CELF2: variants seen among roughly 807,000 people sequenced by gnomAD.
The protein encoded by CELF2 is CUG triplet repeat RNA-binding protein 2.
In CELF2, 8 loss-of-function variants were observed where a neutral mutation model predicts 62.6. The observed-to-expected ratio is 0.13, with a 90% CI of 0.07 to 0.23. CELF2 has a LOEUF of 0.23. Ranked by LOEUF, CELF2 falls within the 10% of genes least tolerant of loss-of-function variation. The pLI is 1.00. For missense variants in CELF2, 333 were observed against 671.0 expected (o/e 0.50, Z 5.56); for synonymous variants, 258 against 250.0 (o/e 1.03, Z -0.30).
At chr10:10,969,665 G>A (rs888908698) in intron 2 of CELF2, among the ~76,000 whole-genome samples, 1 of 152,076 alleles carries the variant, frequency 6.6e-6, no homozygotes, top group East Asian at 1.9e-4. Context: ...GGAAGGAATG[G>A]TCTGGATGTT....
chr10:11,066,712 G>C (rs566128943), intron 1 of CELF2, among the ~76,000 whole-genome samples: 2 of 148,006 alleles, frequency 1.4e-5, no homozygotes, highest in South Asian at 2.2e-4. Flanking sequence ...TGTGTCTGTC[G>C]GGGATAAGGA....
chr10:11,093,320 A>G (rs1362240239), intron 1 of CELF2, among the ~76,000 whole-genome samples: 2 of 152,180 alleles, frequency 1.3e-5, no homozygotes, highest in African/African-American at 4.8e-5. Context: ...TTAGTCTTGA[A>G]AGTCCTAACA....
the CELF2 span, among the ~76,000 whole-genome samples, chr10:10,521,511 C>T: frequency 3.3e-5 from 5 of 152,300 alleles, no homozygotes; most frequent in South Asian, 1.0e-3. Context: ...CCATGTCATG[C>T]ACTAGGCTAA....
At chr10:10,774,348 C>T in the CELF2 span, among the ~76,000 whole-genome samples, 2 of 152,184 alleles carry the variant, frequency 1.3e-5, no homozygotes, top group Non-Finnish European at 2.9e-5. Context: ...ATGGGGGATA[C>T]AGTTTGGATC....
chr10:11,202,352 C>CA (rs1160968703), intron 2 of CELF2, among the ~76,000 whole-genome samples: 1 of 152,088 alleles, frequency 6.6e-6, no homozygotes, highest in South Asian at 2.1e-4. Context: ...ATTTATGTGA[C>CA]AAAAAATTCT....
At chr10:10,765,288 A>G in the CELF2 span, among the ~76,000 whole-genome samples, 1 of 152,214 alleles carries the variant, frequency 6.6e-6, no homozygotes, top group South Asian at 2.1e-4. Context: ...TTCAATTCTT[A>G]CAAAAGTAGA....
At chr10:10,955,986 C>T (rs889756993) in intron 2 of CELF2, among the ~76,000 whole-genome samples, 7 of 152,156 alleles carry the variant, frequency 4.6e-5, no homozygotes, top group Admixed American at 3.9e-4. Flanking sequence ...CAAATCAAGT[C>T]ATCATTTGGA....
In CELF2 at chr10:11,336,166, A is replaced by G. The variant is rs1396084841; in HGVS notation, c.*7113A>G. 1 of 152,698 alleles carries G rather than the reference A, an allele frequency of 6.5e-6. No homozygotes were observed. The highest frequency in any genetic ancestry group is 1.5e-5 in the Non-Finnish European group (1 of 68,042). 9.5% of individuals were successfully genotyped at this position (152,698 alleles called of 1,614,324 possible). A position where few individuals can be genotyped will look rare whatever the true frequency, so the allele number is the denominator to read the frequency against. ...TCGGACTCTTAGCTGGCAGGCTAGG[A>G]CACACAGTGAACATTAATGTACTGT... On this transcript the variant is annotated 3_prime_UTR_variant, in exon 13 of 13. Coordinates refer to ENST00000633077, the MANE Select transcript of CELF2 (RefSeq NM_001326342.2). The surrounding 1 kb of genome is among the most constrained non-coding windows in gnomAD (Gnocchi z 5.4).
intron 1 of CELF2, among the ~76,000 whole-genome samples, chr10:11,132,424 C>T (rs2059759935): frequency 6.6e-6 from 1 of 152,074 alleles, no homozygotes; most frequent in Admixed American, 6.5e-5. Context: ...TATTTTCATC[C>T]CAGTGAAGGC....
chr10:11,186,229 T>C (rs1303772391), intron 2 of CELF2, among the ~76,000 whole-genome samples: 1 of 152,026 alleles, frequency 6.6e-6, no homozygotes, highest in East Asian at 1.9e-4. Context: ...CCTGCATTCT[T>C]TTTTCCCTTT....
At chr10:11,252,953 G>A (rs922925244) in intron 4 of CELF2, among the ~76,000 whole-genome samples, 103 of 152,198 alleles carry the variant, frequency 6.8e-4, no homozygotes, top group Non-Finnish European at 1.2e-3. Flanking sequence ...CATCATAAAC[G>A]AGCAGAAACA....
chr10:11,173,215 G>A (rs920299815), intron 2 of CELF2, among the ~76,000 whole-genome samples: 1 of 152,192 alleles, frequency 6.6e-6, no homozygotes, highest in Non-Finnish European at 1.5e-5. Flanking sequence ...TAGGCAACCA[G>A]TCCTTTGGAG....
At chr10:11,012,982 A>G (rs1046496456), upstream of CELF2, among the ~76,000 whole-genome samples, 1 of 151,574 alleles carries the variant, frequency 6.6e-6, no homozygotes, top group African/African-American at 2.4e-5. This position sits in a 1 kb window ranked among gnomAD's most constrained non-coding sequence, Gnocchi z 5.5. Flanking sequence ...CAGTTTTCAC[A>G]TCCTATTGAC....
intron 1 of CELF2, among the ~76,000 whole-genome samples, chr10:10,834,982 T>C (rs554146538): frequency 1.3e-3 from 194 of 152,282 alleles, no homozygotes; most frequent in African/African-American, 4.5e-3. Context: ...ATTCTGTCTC[T>C]CCTACCTTCT....
the CELF2 span, among the ~76,000 whole-genome samples, chr10:10,737,724 T>A: frequency 0.22 from 32,992 of 151,788 alleles, 4,297 homozygotes; most frequent in South Asian, 0.48. Flanking sequence ...GCATGCTAGA[T>A]TGGCATAAGA....
chr10:10,833,574 A>T (rs1412040496), intron 1 of CELF2, among the ~76,000 whole-genome samples: 1 of 152,192 alleles, frequency 6.6e-6, no homozygotes, highest in Admixed American at 6.5e-5. Context: ...ATAATCAAGG[A>T]TTGTGAATCG....
intron 1 of CELF2, among the ~76,000 whole-genome samples, chr10:10,899,330 G>A (rs150526274): frequency 1.1e-4 from 17 of 152,286 alleles, no homozygotes; most frequent in African/African-American, 4.1e-4. Flanking sequence ...GATTTATGGG[G>A]TGGGTGGGGA....
chr10:10,731,234 C>T, the CELF2 span, among the ~76,000 whole-genome samples: 2 of 149,504 alleles, frequency 1.3e-5, no homozygotes, highest in African/African-American at 5.0e-5. Flanking sequence ...AAGCAAAGAT[C>T]CTGCAGAAAA....
intron 2 of CELF2, among the ~76,000 whole-genome samples, chr10:10,987,099 A>G (rs1375205680): frequency 3.3e-5 from 5 of 152,182 alleles, no homozygotes; most frequent in African/African-American, 9.6e-5. Context: ...ATTGCATCCT[A>G]CTACTTGAAT....
Sources: allele counts gnomAD v4.1 joint callset (sites outside exome capture counted in the v4.1 genomes callset), GRCh38; gene constraint gnomAD v4.1.1; non-coding constraint Gnocchi (gnomAD v3.1); transcripts MANE v1.5; gene names NCBI Gene and HGNC (gene_info 2026-07-23, HGNC 2026-07-21).